MACROD1: variants seen among roughly 807,000 people sequenced by gnomAD.
MACROD1 encodes mono-ADP ribosylhydrolase 1, also known as ADP-ribose glycohydrolase MACROD1.
MACROD1 carries 31 observed loss-of-function variants against 41.4 expected under a neutral mutation model. The ratio of observed to expected loss-of-function variants is 0.75; its 90% CI spans 0.56 to 1.01. The LOEUF (loss-of-function observed/expected upper bound fraction) is 1.01. Ranked by LOEUF, MACROD1 falls within the 50% of genes least tolerant of loss-of-function variation. The pLI is 0.00. For missense variants in MACROD1, 473 were observed against 460.0 expected (o/e 1.03, Z -0.26); for synonymous variants, 252 against 203.4 (o/e 1.24, Z -2.03).
intron 3 of MACROD1, among the ~76,000 whole-genome samples, chr11:64,145,467 C>A (rs1945482738): frequency 6.6e-6 from 1 of 152,148 alleles, no homozygotes; most frequent in Non-Finnish European, 1.5e-5. Context: ...GCCCTGGGCC[C>A]AGGGCTGGAC....
At chr11:64,085,458 C>T (rs1384898794) in intron 3 of MACROD1, among the ~76,000 whole-genome samples, 3 of 152,330 alleles carry the variant, frequency 2.0e-5, no homozygotes, top group Middle Eastern at 3.4e-3. Flanking sequence ...ACGGGGCTGC[C>T]GGGACCAGGC....
rs1033940271 is a variant in MACROD1, at chr11:64,151,362, C to G, written c.401-7G>C. 1 of 1,607,118 alleles carries G rather than the reference C, an allele frequency of 6.2e-7. No individual in the cohort carries two copies. Among genetic ancestry groups the G allele is most frequent in the Admixed American group, 1.7e-5 (1 of 60,002 alleles). ...TCCACCTTCACAGCCACCCCTGGAA[C>G]AAGTAGGGGCCGGGGAGGTCACAGC... is the stretch of plus-strand genomic sequence containing the variant. On this transcript the variant is annotated splice_polypyrimidine_tract_variant and splice_region_variant and intron_variant, in intron 2 of 10. Coordinates refer to ENST00000255681, the MANE Select transcript of MACROD1 (RefSeq NM_014067.4).
chr11:64,064,941 T>C lies in MACROD1; in HGVS notation c.518-49660A>G, dbSNP rs1590859302. 1.3e-5 allele frequency among the ~76,000 whole-genome samples: 2 copies of C among 150,560 alleles called. No homozygotes were observed. The highest frequency in any genetic ancestry group is 6.6e-5 in the Admixed American group (1 of 15,170). ...AAGGCGGCAGGCAGGAGGGCCACCATGGTGACTGAGACAGACTCAGGGTCT... is the reference window on the plus strand; with the variant it reads ...AAGGCGGCAGGCAGGAGGGCCACCACGGTGACTGAGACAGACTCAGGGTCT... On this transcript the variant is annotated intron_variant, in intron 3 of 10. Transcript: ENST00000255681. This position sits in a 1 kb window ranked among gnomAD's most constrained non-coding sequence, Gnocchi z 4.5.
chr11:63,998,572 C>CT lies in MACROD1; in HGVS notation c.*145dup. 1 of 1,210,072 alleles carries CT rather than the reference C, an allele frequency of 8.3e-7. No homozygotes were observed. Among genetic ancestry groups the CT allele is most frequent in the Non-Finnish European group, 1.0e-6 (1 of 964,868 alleles). The allele number at this position is 1,210,072 out of a possible 1,614,324, so 75.0% of individuals were successfully genotyped here. On this transcript the variant is annotated 3_prime_UTR_variant, in exon 11 of 11. Transcript: ENST00000255681. The stretch of plus-strand genomic sequence containing the variant: ...ACAGTAGGAGCTGCCACAACGAGAT[C>CT]TTTATTAGGCTCCTCGGGGGCGGGG...
chr11:64,053,264 G>A (rs1421695133), intron 3 of MACROD1, among the ~76,000 whole-genome samples: 14 of 152,172 alleles, frequency 9.2e-5, no homozygotes, highest in Admixed American at 8.5e-4. Context: ...TACACCTTGG[G>A]CCTCGTTAGG....
chr11:64,075,214 C>T (rs1944179779), intron 3 of MACROD1, among the ~76,000 whole-genome samples: 1 of 152,258 alleles, frequency 6.6e-6, no homozygotes. Context: ...TTCTGATCCA[C>T]ATGCCAGCTC....
In MACROD1 at chr11:64,090,227, C is replaced by T. The variant is rs558573960; in HGVS notation, c.517+61012G>A. On this transcript the variant is annotated intron_variant, in intron 3 of 10. Coordinates refer to ENST00000255681, the MANE Select transcript of MACROD1 (RefSeq NM_014067.4). This position sits in a 1 kb window ranked among gnomAD's most constrained non-coding sequence, Gnocchi z 4.7. ...ACAGGGTGACAGGGTGTGGGAAAGG[C>T]CAACGGGCGTGTGGGTCTCCAGCCT... Among the ~76,000 whole-genome samples the T allele has an allele frequency of 6.6e-5, 10 of 152,300 alleles. No individual in the cohort carries two copies. The highest frequency in any genetic ancestry group is 1.4e-4 in the African/African-American group (6 of 41,566).
chr11:64,140,660 T>C (rs568329767), intron 3 of MACROD1, among the ~76,000 whole-genome samples: 25 of 152,192 alleles, frequency 1.6e-4, no homozygotes, highest in Admixed American at 1.4e-3. Flanking sequence ...GTACTGAGCA[T>C]CCTACACAAG....
chr11:64,105,208 C>T (rs1362046479), intron 3 of MACROD1, among the ~76,000 whole-genome samples: 8 of 152,198 alleles, frequency 5.3e-5, no homozygotes, highest in African/African-American at 1.4e-4. Context: ...GTGCCTGAGC[C>T]GGAGCTGGGC....
chr11:64,017,644 G>A (rs1565196044), intron 3 of MACROD1, among the ~76,000 whole-genome samples: 2 of 152,104 alleles, frequency 1.3e-5, no homozygotes, highest in East Asian at 1.9e-4. Context: ...CTGCAGAGGC[G>A]AGGGCTGGGC....
rs970756885 is a variant in MACROD1 at position 64,090,842 on chromosome 11, C to G, written c.517+60397G>C. Among the ~76,000 whole-genome samples the G allele has an allele frequency of 6.6e-6, 1 of 152,008 alleles. No individual in the cohort carries two copies. Among genetic ancestry groups the G allele is most frequent in the Admixed American group, 6.6e-5 (1 of 15,266 alleles). On this transcript the variant is annotated intron_variant, in intron 3 of 10. Transcript: ENST00000255681. The surrounding 1 kb of genome is among the most constrained non-coding windows in gnomAD (Gnocchi z 4.7). Reference sequence around the variant, plus strand: ...AAGCAGAGCCCGAGTCGGGTCCAGCCCTGCACTCCCAGGGAGCCCTGAGGG... The same window carrying G: ...AAGCAGAGCCCGAGTCGGGTCCAGCGCTGCACTCCCAGGGAGCCCTGAGGG...
intron 1 of MACROD1, among the ~76,000 whole-genome samples, chr11:64,152,797 A>G (rs1020388455): frequency 6.6e-6 from 1 of 152,094 alleles, no homozygotes; most frequent in African/African-American, 2.4e-5. Flanking sequence ...GGTTGGCAGC[A>G]CTCAGCCAGC....
chr11:64,039,650 T>C (rs1943448435), intron 3 of MACROD1, among the ~76,000 whole-genome samples: 1 of 152,224 alleles, frequency 6.6e-6, no homozygotes, highest in Non-Finnish European at 1.5e-5. Flanking sequence ...TGGCAGCAGC[T>C]GGAGACACCA....
At chr11:64,154,783 C>T (rs1945641666) in intron 1 of MACROD1, among the ~76,000 whole-genome samples, 1 of 152,152 alleles carries the variant, frequency 6.6e-6, no homozygotes, top group Non-Finnish European at 1.5e-5. Context: ...TGCAGTGGCA[C>T]GATCTTGGCT....
At chr11:64,116,187 C>A in intron 3 of MACROD1, 1 of 1,512,606 alleles carries the variant, frequency 6.6e-7, no homozygotes, top group East Asian at 2.3e-5. Flanking sequence ...CGCCGCCTCC[C>A]TCTCACTGCC....
rs187901775 is a variant in MACROD1 at position 64,141,690 on chromosome 11, G to A, written c.517+9549C>T. Among the ~76,000 whole-genome samples, 800 of 152,322 alleles carry A rather than the reference G, an allele frequency of 5.3e-3. 9 individuals carry two copies. Among genetic ancestry groups the A allele is most frequent in the South Asian group, 0.028 (133 of 4,828 alleles). ...TCAGTGCTCGGGTGGACAGCACACC[G>A]GGGACGCAAGCAGGGGCACAGGTGC... On this transcript the variant is annotated intron_variant, in intron 3 of 10. Transcript: ENST00000255681.
At chr11:64,097,397 T>C (rs2134545367) in intron 3 of MACROD1, among the ~76,000 whole-genome samples, 1 of 152,286 alleles carries the variant, frequency 6.6e-6, no homozygotes, top group East Asian at 1.9e-4. Flanking sequence ...GAAGGGGAGA[T>C]GTCCCGTGGC....
intron 3 of MACROD1, among the ~76,000 whole-genome samples, chr11:64,050,250 G>A (rs1943667834): frequency 6.6e-6 from 1 of 152,170 alleles, no homozygotes; most frequent in African/African-American, 2.4e-5. Context: ...CACAAGAGGA[G>A]GGACCTGAGA....
chr11:64,138,543 C>A, intron 3 of MACROD1: 2 of 985,432 alleles, frequency 2.0e-6, no homozygotes, highest in Non-Finnish European at 2.4e-6. Context: ...TTAAACCGTA[C>A]CTGAAATACA....
Sources: allele counts gnomAD v4.1 joint callset (sites outside exome capture counted in the v4.1 genomes callset), GRCh38; gene constraint gnomAD v4.1.1; non-coding constraint Gnocchi (gnomAD v3.1); transcripts MANE v1.5; gene names NCBI Gene and HGNC (gene_info 2026-07-23, HGNC 2026-07-21).